ZNF414: variants seen among roughly 807,000 people sequenced by gnomAD.
ZNF414 encodes the protein zinc finger protein 414.
Under a neutral mutation model 38.3 loss-of-function variants are expected in ZNF414, and 32 were observed. That is an observed-to-expected ratio of 0.83 (90% confidence interval 0.63 to 1.12). The LOEUF (loss-of-function observed/expected upper bound fraction) is 1.12. Ranked by LOEUF, ZNF414 falls within the 50% of genes most tolerant of loss-of-function variation. The probability of loss-of-function intolerance (pLI) is 0.00; values close to 1 mark genes in which losing one functional copy is unlikely to be tolerated. For missense variants in ZNF414, 589 were observed against 557.4 expected (o/e 1.06, Z -0.57); for synonymous variants, 256 against 248.0 (o/e 1.03, Z -0.30).
chr19:8,512,758 G>A, intron 2 of ZNF414, 47 bp from the exon 3 acceptor site: 1 of 1,439,822 alleles, frequency 6.9e-7, no homozygotes, highest in Non-Finnish European at 9.2e-7. Flanking sequence ...CCTCACTAGT[G>A]CTGTCCCTGA....
chr19:8,511,782 G>C lies in ZNF414; in HGVS notation c.709C>G (p.Pro237Ala), dbSNP rs751985264. Residue 237 changes from proline (P) to alanine (A), a missense_variant, in exon 5 of 8, where the codon CCG (proline) becomes GCG (alanine). By Grantham distance (27) the Pro-to-Ala change is conservative. Transcript: ENST00000393927. The stretch of plus-strand genomic sequence containing the variant: ...GGGGTCGTGAAGGGTTCCAGCAGCG[G>C]GAACGGCAGGCCCGGCGCTGATGCG... ...DPASAPGLPF[P>A]LLEPFTTPAP... is the part of the protein sequence containing the mutation. The C allele has an allele frequency of 7.0e-7, 1 of 1,422,114 alleles. No individual in the cohort carries two copies. The highest frequency in any genetic ancestry group is 9.1e-7 in the Non-Finnish European group (1 of 1,096,706). The allele number at this position is 1,422,114 out of a possible 1,614,324, so 88.1% of individuals were successfully genotyped here.
In ZNF414 at chr19:8,513,328, G is replaced by A. The variant is rs1286623925; in HGVS notation, c.17C>T (p.Ser6Leu). The change falls in exon 2 of 8, where the codon TCA (serine) becomes TTA (leucine). Residue 6 changes from serine (S) to leucine (L), a missense_variant. Ser to Leu is a moderately radical substitution (Grantham distance 145, BLOSUM62 -2). Coordinates refer to ENST00000393927, the MANE Select transcript of ZNF414 (RefSeq NM_001146175.2). MEEKPSGPIPDMLATA... is the reference protein window; with the variant it reads MEEKPLGPIPDMLATA... ...GGCCAGCATGTCTGGGATGGGCCCT[G>A]AGGGTTTCTCCTCCTGGTGGAAGGA... 2 of 1,590,488 alleles carry A rather than the reference G, an allele frequency of 1.3e-6. No individual in the cohort carries two copies. Among genetic ancestry groups the A allele is most frequent in the East Asian group, 2.2e-5 (1 of 44,602 alleles).
At chr19:8,511,403 G>T in intron 6 of ZNF414, 83 bp downstream of exon 6, 1 of 1,551,686 alleles carries the variant, frequency 6.4e-7, no homozygotes. Context: ...GATGAGCACT[G>T]CTGCCTCCTG....
chr19:8,513,368 C>T, intron 1 of ZNF414, 27 bp from the exon 2 acceptor site: 2 of 1,537,204 alleles, frequency 1.3e-6, no homozygotes, highest in South Asian at 2.4e-5. Flanking sequence ...GCGGAGAGAA[C>T]CCTTCTGGGC....
chr19:8,514,129 C>G lies in ZNF414; in HGVS notation c.-83G>C. 7.3e-7 allele frequency: 1 copy of G among 1,375,320 alleles called. No homozygotes were observed. Among genetic ancestry groups the G allele is most frequent in the Non-Finnish European group, 9.4e-7 (1 of 1,061,448 alleles). The allele number at this position is 1,375,320 out of a possible 1,614,324, so 85.2% of individuals were successfully genotyped here. The stretch of plus-strand genomic sequence containing the variant: ...GGCCACCCTCTGGGCAGTGCGAGTT[C>G]GCGCTCACGTCAGCGCCATTTTCCA... On this transcript the variant is annotated 5_prime_UTR_variant, in exon 1 of 8. Transcript: ENST00000393927.
At position 8,513,341 on chromosome 19, in the gene ZNF414, C is replaced by G; in HGVS notation, c.4G>C (p.Glu2Gln). 6.3e-7 allele frequency: 1 copy of G among 1,583,234 alleles called. No homozygotes were observed. Among genetic ancestry groups the G allele is most frequent in the Non-Finnish European group, 8.5e-7 (1 of 1,173,178 alleles). ...GGGATGGGCCCTGAGGGTTTCTCCT[C>G]CTGGTGGAAGGAAGAGGCGGAGAGA... Reference protein sequence around the residue: MEEKPSGPIPDM... With the variant: MQEKPSGPIPDM... Residue 2 changes from glutamate (E) to glutamine (Q), a missense_variant and splice_region_variant, in exon 2 of 8, where the codon GAG (glutamate) becomes CAG (glutamine). Transcript: ENST00000393927.
chr19:8,513,950 G>T, intron 1 of ZNF414, 94 bp downstream of exon 1: 1 of 1,304,686 alleles, frequency 7.7e-7, no homozygotes, highest in Non-Finnish European at 9.8e-7. Context: ...CCGGATGTGG[G>T]GGCGGGGTCG....
rs1475542277 is a variant in ZNF414, at chr19:8,513,964, G to T, written c.3+80C>A. ...CCCGGATGTGGGGGCGGGGTCGGCCGGAGGCTGTAGGCGCGACAGGGCCGC... is the reference window on the plus strand; with the variant it reads ...CCCGGATGTGGGGGCGGGGTCGGCCTGAGGCTGTAGGCGCGACAGGGCCGC... On this transcript the variant is annotated intron_variant, in intron 1 of 7. Coordinates refer to ENST00000393927, the MANE Select transcript of ZNF414 (RefSeq NM_001146175.2). 14 of 1,329,924 alleles carry T rather than the reference G, an allele frequency of 1.1e-5. No homozygotes were observed. The East Asian group carries it at 4.4e-4, about 42-fold the overall frequency. 82.4% of individuals were successfully genotyped at this position (1,329,924 alleles called of 1,614,324 possible).
rs1971944722 is a variant in ZNF414, at chr19:8,513,259, GACA to G, written c.83_85del (p.Leu28del). 3 of 1,594,632 alleles carry G rather than the reference GACA, an allele frequency of 1.9e-6. No individual in the cohort carries two copies. Among genetic ancestry groups the G allele is most frequent in the Admixed American group, 3.4e-5 (2 of 59,234 alleles). The stretch of plus-strand genomic sequence containing the variant: ...AGGGGCTGCAGCTGGCACAGCCGGG[GACA>G]ACACCTCCTTGTCGGTCTCACTGGA... On this transcript the variant is annotated inframe_deletion, in exon 2 of 8. Transcript: ENST00000393927.
In ZNF414 at chr19:8,510,683, GGCGGGATTCAGAGCT is replaced by G. The variant is rs1971900216; in HGVS notation, c.1166_*7del. 9.8e-6 allele frequency: 15 copies of G among 1,537,228 alleles called. No homozygotes were observed. The highest frequency in any genetic ancestry group is 1.2e-5 in the Non-Finnish European group (14 of 1,138,546). On this transcript the variant is annotated stop_lost and 3_prime_UTR_variant, in exon 8 of 8. Transcript: ENST00000393927. ...ACATCCCATGGCCCACCCCCAAAGC[GGCGGGATTCAGAGCT>G]GCGAGAACACTGGAAGCTCCCCCTC...
In ZNF414 at chr19:8,513,204, A is replaced by G. The variant is rs747677381; in HGVS notation, c.141T>C (p.Pro47=). The G allele has an allele frequency of 1.3e-6, 2 of 1,570,074 alleles. No individual in the cohort carries two copies. The highest frequency in any genetic ancestry group is 2.3e-5 in the South Asian group (2 of 87,092). ...ACACTGGCGGTGTGGCTGCCTGCTCAGGGCCTGGCTCCTCCGACATGGAGG... is the reference window on the plus strand; with the variant it reads ...ACACTGGCGGTGTGGCTGCCTGCTCGGGGCCTGGCTCCTCCGACATGGAGG... ...PSSSMSEEPG[P]EQAATPPVWE... The change falls in exon 2 of 8, where the codon CCT becomes CCC. Residue 47 remains proline (P), a synonymous_variant. Coordinates refer to ENST00000393927, the MANE Select transcript of ZNF414 (RefSeq NM_001146175.2).
chr19:8,513,695 G>A (rs2145808973), intron 1 of ZNF414, among the ~76,000 whole-genome samples: 2 of 152,348 alleles, frequency 1.3e-5, no homozygotes, highest in South Asian at 4.1e-4. Flanking sequence ...GGAGTGGGCG[G>A]GGCCAAGGCT....
At chr19:8,513,976 C>A (rs2287864) in intron 1 of ZNF414, 68 bp downstream of exon 1, 1 of 1,360,188 alleles carries the variant, frequency 7.4e-7, no homozygotes, top group South Asian at 1.7e-5. Context: ...AGGCTGTAGG[C>A]GCGACAGGGC....
In ZNF414 at chr19:8,513,264, CA is replaced by C; in HGVS notation, c.80del (p.Val27GlyfsTer59). The C allele has an allele frequency of 6.3e-7, 1 of 1,595,352 alleles. No individual in the cohort carries two copies. Among genetic ancestry groups the C allele is most frequent in the South Asian group, 1.1e-5 (1 of 89,964 alleles). On this transcript the variant is annotated frameshift_variant, in exon 2 of 8. Coordinates refer to ENST00000393927, the MANE Select transcript of ZNF414 (RefSeq NM_001146175.2). LOFTEE classifies it high-confidence loss of function. ...CTGCAGCTGGCACAGCCGGGGACAA[CA>C]CCTCCTTGTCGGTCTCACTGGAGCT... ...EPSSSETDKE[V>X]LSPAVPAAAP...
Position 8,510,715 on chromosome 19 carries a change from CT to C in ZNF414, c.1148del (p.Glu383GlyfsTer68). ...PKVSPLLSEG[E>X]LPVFSQL ...TTCAGAGCTGCGAGAACACTGGAAG[CT>C]CCCCCTCTGACAGCAGCGGCGACAC... On this transcript the variant is annotated frameshift_variant, in exon 8 of 8. Coordinates refer to ENST00000393927, the MANE Select transcript of ZNF414 (RefSeq NM_001146175.2). LOFTEE classifies it high-confidence loss of function. 6.5e-7 allele frequency: 1 copy of C among 1,549,322 alleles called. No homozygotes were observed. Among genetic ancestry groups the C allele is most frequent in the African/African-American group, 1.4e-5 (1 of 73,076 alleles).
chr19:8,510,368 G>T lies in ZNF414; in HGVS notation c.*323C>A. 1 of 249,356 alleles carries T rather than the reference G, an allele frequency of 4.0e-6. No individual in the cohort carries two copies. 15.4% of individuals were successfully genotyped at this position (249,356 alleles called of 1,614,324 possible). A position where few individuals can be genotyped will look rare whatever the true frequency, so the allele number is the denominator to read the frequency against. On this transcript the variant is annotated 3_prime_UTR_variant, in exon 8 of 8. Coordinates refer to ENST00000393927, the MANE Select transcript of ZNF414 (RefSeq NM_001146175.2). ...TCCCATTTGGTTTCTGGACAAGGGA[G>T]AACGCTGCCACAGTGGGTACTGGGG...
At chr19:8,511,289 G>T (rs1302568537) in intron 6 of ZNF414, 197 bp downstream of exon 6, 3 of 1,427,156 alleles carry the variant, frequency 2.1e-6, no homozygotes, top group East Asian at 5.3e-5. Context: ...GGGGCGCAAG[G>T]TTTATACGGG....
chr19:8,512,136 G>C, intron 4 of ZNF414, 176 bp from the exon 5 acceptor site: 1 of 1,426,556 alleles, frequency 7.0e-7, no homozygotes, highest in South Asian at 1.5e-5. Flanking sequence ...GGGAACCTGG[G>C]GAAACCCGGA....
At chr19:8,511,132 C>A in intron 6 of ZNF414, 108 bp from the exon 7 acceptor site, 1 of 1,277,088 alleles carries the variant, frequency 7.8e-7, no homozygotes, top group Non-Finnish European at 9.9e-7. Context: ...TTCCCGCCCC[C>A]CATCAGCTTC....
Sources: gnomAD v4.1 joint callset for allele counts (sites outside exome capture counted in the v4.1 genomes callset) on GRCh38, gnomAD v4.1.1 for gene constraint, MANE v1.5 for transcripts, NCBI Gene and HGNC (gene_info 2026-07-23, HGNC 2026-07-21) for gene names.